The following DLGAP2 variants were observed in gnomAD, a reference collection of about 807,000 sequenced individuals.
The protein encoded by DLGAP2 is disks large-associated protein 2.
DLGAP2 carries 26 observed loss-of-function variants against 100.3 expected under a neutral mutation model. That is an observed-to-expected ratio of 0.26 (90% CI 0.19 to 0.36). The LOEUF (loss-of-function observed/expected upper bound fraction) is 0.36. DLGAP2 is among the 10% of genes least tolerant of loss of function. DLGAP2 has a pLI of 1.00. For missense variants in DLGAP2, 1,858 were observed against 1,453.2 expected, an observed-to-expected ratio of 1.28 and a Z score of -4.53; for synonymous variants, 886 against 630.1, an observed-to-expected ratio of 1.41 and a Z score of -6.08.
Position 1,034,042 on chromosome 8 carries a change from GACCCC to G in DLGAP2, c.73+126077_73+126081del, listed in dbSNP as rs1563155908. On this transcript the variant is annotated intron_variant, in intron 2 of 14. Transcript: ENST00000637795. ...GCGAGTGGATTCACACGCTCATCCC[GACCCC>G]GCGTGTCACCGCGAGTGGGTTCACA... Among the ~76,000 whole-genome samples, 344 of 112,534 alleles carry G rather than the reference GACCCC, an allele frequency of 3.1e-3. 2 individuals are homozygous for G. Among genetic ancestry groups the G allele is most frequent in the Middle Eastern group, 6.3e-3 (1 of 158 alleles). 73.8% of individuals were successfully genotyped at this position (112,534 alleles called of 152,430 possible). A position where few individuals can be genotyped will look rare whatever the true frequency, so the allele number is the denominator to read the frequency against.
chr8:901,726 G>T (rs1405272606), intron 1 of DLGAP2, among the ~76,000 whole-genome samples: 1 of 152,230 alleles, frequency 6.6e-6, no homozygotes, highest in Non-Finnish European at 1.5e-5. Context: ...ATGGCAGCAC[G>T]GGGCGTCCCC....
intron 1 of DLGAP2, among the ~76,000 whole-genome samples, chr8:885,987 G>T (rs1399388642): frequency 6.6e-6 from 1 of 152,072 alleles, no homozygotes; most frequent in Admixed American, 6.5e-5. Context: ...ACCAGTGCCT[G>T]TTTGTATTTC....
chr8:1,050,971 TG>T (rs1802664045), intron 2 of DLGAP2, among the ~76,000 whole-genome samples: 1 of 111,290 alleles, frequency 9.0e-6, no homozygotes, highest in Non-Finnish European at 1.8e-5. Flanking sequence ...GGTCATTTCG[TG>T]GGTGGGGGTC....
intron 2 of DLGAP2, among the ~76,000 whole-genome samples, chr8:1,185,857 A>T (rs1024816030): frequency 7.9e-5 from 12 of 152,292 alleles, no homozygotes; most frequent in Non-Finnish European, 1.5e-4. Flanking sequence ...TCCAATCAGC[A>T]GTGACGCCCA....
chr8:1,182,166 G>C (rs557191060), intron 2 of DLGAP2, among the ~76,000 whole-genome samples: 1 of 152,254 alleles, frequency 6.6e-6, no homozygotes, highest in African/African-American at 2.4e-5. Flanking sequence ...CTGCCACTTC[G>C]TTTGCACGGG....
At position 966,728 on chromosome 8, in the gene DLGAP2, A is replaced by G. The variant is rs1253634253; in HGVS notation, c.73+58762A>G. Reference sequence around the variant, plus strand: ...TTTACATCTGGGTTTATTCAAACACATAGAAGCAAATGGACTGAGAGTGAG... The same window carrying G: ...TTTACATCTGGGTTTATTCAAACACGTAGAAGCAAATGGACTGAGAGTGAG... On this transcript the variant is annotated intron_variant, in intron 2 of 14. Coordinates refer to ENST00000637795, the MANE Select transcript of DLGAP2 (RefSeq NM_001346810.2). Among the ~76,000 whole-genome samples, 5 of 152,364 alleles carry G rather than the reference A, an allele frequency of 3.3e-5. No individual in the cohort carries two copies. In the East Asian group the frequency reaches 9.6e-4, roughly 29 times the overall value.
intron 2 of DLGAP2, among the ~76,000 whole-genome samples, chr8:1,159,127 G>T (rs566543707): frequency 6.6e-6 from 1 of 152,280 alleles, no homozygotes; most frequent in African/African-American, 2.4e-5. Context: ...CACCTTTAAG[G>T]GATTTGTGTG....
At chr8:1,687,467 C>A (rs568704503) in intron 12 of DLGAP2, among the ~76,000 whole-genome samples, 1 of 152,198 alleles carries the variant, frequency 6.6e-6, no homozygotes, top group Non-Finnish European at 1.5e-5. Context: ...ACTTCAACTT[C>A]TTTGCAATTA....
intron 1 of DLGAP2, among the ~76,000 whole-genome samples, chr8:794,846 G>A (rs1179593339): frequency 6.6e-6 from 1 of 152,086 alleles, no homozygotes; most frequent in African/African-American, 2.4e-5. Flanking sequence ...AGGTTGGGAT[G>A]AACTGTTTGC....
At chr8:1,380,832 C>A (rs143377697) in intron 3 of DLGAP2, among the ~76,000 whole-genome samples, 4 of 145,752 alleles carry the variant, frequency 2.7e-5, no homozygotes, top group Non-Finnish European at 4.5e-5. Flanking sequence ...TCCATGGAGA[C>A]TAAAAGTTTA....
chr8:1,550,933 A>C (rs1159654234), intron 5 of DLGAP2, among the ~76,000 whole-genome samples: 1 of 152,192 alleles, frequency 6.6e-6, no homozygotes, highest in Non-Finnish European at 1.5e-5. Flanking sequence ...CAGCTTAGAG[A>C]CATCTTCATG....
chr8:1,706,214 C>T lies in DLGAP2; in HGVS notation c.*4808C>T, dbSNP rs577618145. The T allele has an allele frequency of 1.4e-4, 21 of 152,370 alleles. No individual in the cohort carries two copies. The highest frequency in any genetic ancestry group is 3.8e-4 in the African/African-American group (16 of 41,582). 9.4% of individuals were successfully genotyped at this position (152,370 alleles called of 1,614,324 possible). ...AGGAATCTCTAGGCTGTTAGGCAAC[C>T]TGGCTTTTATTCATCCTCAGCCGGC... On this transcript the variant is annotated 3_prime_UTR_variant, in exon 15 of 15. Coordinates refer to ENST00000637795, the MANE Select transcript of DLGAP2 (RefSeq NM_001346810.2).
intron 14 of DLGAP2, 96 bp from the exon 15 acceptor site, chr8:1,701,092 G>T: frequency 8.6e-7 from 1 of 1,157,836 alleles, no homozygotes; most frequent in Non-Finnish European, 1.2e-6. Context: ...GGCTGCGGTC[G>T]GGAAGGGTCA....
intron 3 of DLGAP2, among the ~76,000 whole-genome samples, chr8:1,486,927 C>T (rs1799249120): frequency 6.6e-6 from 1 of 152,168 alleles, no homozygotes; most frequent in Non-Finnish European, 1.5e-5. Context: ...TGCTGGGCAA[C>T]CCAGGGAGAC....
chr8:1,275,798 A>G (rs1472867495), intron 3 of DLGAP2, among the ~76,000 whole-genome samples: 2 of 119,670 alleles, frequency 1.7e-5, no homozygotes, highest in Admixed American at 1.1e-4. Flanking sequence ...TAATATATAA[A>G]TAAATATATA....
At chr8:1,460,546 A>G (rs1010218624) in intron 3 of DLGAP2, among the ~76,000 whole-genome samples, 7 of 152,168 alleles carry the variant, frequency 4.6e-5, no homozygotes, top group Admixed American at 2.0e-4. Flanking sequence ...ATCACAGCAG[A>G]GCATGGTGAC....
intron 3 of DLGAP2, among the ~76,000 whole-genome samples, chr8:1,367,635 TTTGGAAGGTAA>T (rs1418815791): frequency 6.6e-6 from 1 of 152,178 alleles, no homozygotes. Flanking sequence ...GAAAAAGCAT[TTTGGAAGGTAA>T]TTGTGGTTGC....
intron 6 of DLGAP2, among the ~76,000 whole-genome samples, chr8:1,570,535 A>G (rs1802611960): frequency 6.6e-6 from 1 of 152,234 alleles, no homozygotes; most frequent in South Asian, 2.1e-4. Flanking sequence ...CTAAGCTTTG[A>G]GAAGGCTCAG....
At chr8:1,669,198 C>T (rs1798625096) in intron 9 of DLGAP2, among the ~76,000 whole-genome samples, 1 of 152,210 alleles carries the variant, frequency 6.6e-6, no homozygotes, top group Middle Eastern at 3.2e-3. Flanking sequence ...CTGGCAGGCC[C>T]CTCAGCTGGG....
Sources: allele counts gnomAD v4.1 joint callset (sites outside exome capture counted in the v4.1 genomes callset), GRCh38; gene constraint gnomAD v4.1.1; transcripts MANE v1.5; gene names NCBI Gene and HGNC (gene_info 2026-07-23, HGNC 2026-07-21).